NOMO2: variants seen among roughly 807,000 people sequenced by gnomAD.
The protein encoded by NOMO2 is BOS complex subunit NOMO2.
NOMO2 carries 14 observed loss-of-function variants against 67.1 expected under a neutral mutation model. The observed-to-expected ratio is 0.21, with a 90% CI of 0.14 to 0.33. The LOEUF is 0.33. Among genes scored for constraint, NOMO2 ranks in the 10% least tolerant of loss-of-function variants. The probability of loss-of-function intolerance (pLI) is 1.00; values close to 1 mark genes in which losing one functional copy is unlikely to be tolerated. For synonymous variants in NOMO2, 80 were observed against 305.9 expected, an observed-to-expected ratio of 0.26 and a Z score of 7.71; for missense variants, 178 against 761.0, an observed-to-expected ratio of 0.23 and a Z score of 9.01.
rs1446511557 is a variant in NOMO2, at chr16:18,531,388, G to C, written c.1537+78C>G. ...TCAGTAGCAAACAACAAAGGCAAAA[G>C]GAAAAGTTTCCCAAATCCCACTCCT... On this transcript the variant is annotated intron_variant, in intron 13 of 30. Coordinates refer to ENST00000622306, the MANE Select transcript of NOMO2 (RefSeq NM_173614.4). 1.1e-5 allele frequency: 18 copies of C among 1,611,766 alleles called. No individual in the cohort carries two copies. In the Admixed American group the frequency reaches 1.7e-4, roughly 15 times the overall value.
intron 16 of NOMO2, among the ~76,000 whole-genome samples, chr16:18,526,550 A>G (rs1450867985): frequency 2.6e-5 from 4 of 151,650 alleles, no homozygotes; most frequent in Admixed American, 1.3e-4. Context: ...ACAAAATATG[A>G]TATAACCACA....
intron 4 of NOMO2, among the ~76,000 whole-genome samples, chr16:18,551,159 G>A (rs1235198436): frequency 6.6e-6 from 1 of 151,954 alleles, no homozygotes. Context: ...GGGCAATAGA[G>A]CAAGACCCTG....
At chr16:18,556,441 T>G (rs1401995946) in intron 2 of NOMO2, among the ~76,000 whole-genome samples, 2 of 140,798 alleles carry the variant, frequency 1.4e-5, no homozygotes, top group African/African-American at 5.3e-5. Context: ...AGACTCTGTC[T>G]CAAAAAAAAA....
At chr16:18,545,373 C>T (rs1357692317) in intron 6 of NOMO2, among the ~76,000 whole-genome samples, 3 of 151,796 alleles carry the variant, frequency 2.0e-5, no homozygotes, top group East Asian at 3.9e-4. Flanking sequence ...GCTGGAATTA[C>T]AGCATGAGCA....
At chr16:18,559,909 G>A (rs1214078966) in intron 1 of NOMO2, among the ~76,000 whole-genome samples, 16 of 151,542 alleles carry the variant, frequency 1.1e-4, no homozygotes, top group African/African-American at 3.4e-4. Flanking sequence ...AGAACAAAAT[G>A]TCAGTCTCAT....
chr16:18,560,321 C>T lies in NOMO2; in HGVS notation c.165+1555G>A, dbSNP rs1270639177. Among the ~76,000 whole-genome samples, 11 of 151,556 alleles carry T rather than the reference C, an allele frequency of 7.3e-5. No homozygotes were observed. The East Asian group carries it at 2.0e-3, about 27-fold the overall frequency. ...TTTGAAATGGGTCACAAAACCTGTT[C>T]TCTGCTCTCAAGGTCACTATTAGTA... On this transcript the variant is annotated intron_variant, in intron 1 of 30. Transcript: ENST00000622306.
Position 18,520,370 on chromosome 16 carries a change from TCATC to T in NOMO2, c.2356+223_2356+226del, listed in dbSNP as rs1208876919. Among the ~76,000 whole-genome samples the T allele has an allele frequency of 4.3e-3, 497 of 116,048 alleles. 9 individuals carry two copies. The highest frequency in any genetic ancestry group is 0.012 in the African/African-American group (385 of 31,146). 76.1% of individuals were successfully genotyped at this position (116,048 alleles called of 152,430 possible). A position where few individuals can be genotyped will look rare whatever the true frequency, so the allele number is the denominator to read the frequency against. Reference sequence around the variant, plus strand: ...ACTTTTATTTATCTAAATCATTCATTCATCCATCCATCCATCCATCCATCCATCC... The same window carrying T: ...ACTTTTATTTATCTAAATCATTCATTCATCCATCCATCCATCCATCCATCC... On this transcript the variant is annotated intron_variant, in intron 20 of 30. Coordinates refer to ENST00000622306, the MANE Select transcript of NOMO2 (RefSeq NM_173614.4).
chr16:18,558,833 A>T (rs1408518455), intron 1 of NOMO2: 2 of 455,642 alleles, frequency 4.4e-6, no homozygotes, highest in Non-Finnish European at 8.8e-6. Context: ...ACAGATTCAC[A>T]TCAATGCATA....
intron 2 of NOMO2, among the ~76,000 whole-genome samples, chr16:18,557,157 C>T (rs1328577492): frequency 1.3e-5 from 2 of 151,822 alleles, no homozygotes; most frequent in African/African-American, 4.8e-5. Flanking sequence ...ACAAAAAAAA[C>T]CTTTATCAGA....
chr16:18,524,548 CACACCTACAG>C lies in NOMO2; in HGVS notation c.1895-6_1898del, dbSNP rs1901101812. On this transcript the variant is annotated splice_acceptor_variant and splice_polypyrimidine_tract_variant and coding_sequence_variant and intron_variant, in exon 17 of 31. Transcript: ENST00000622306. LOFTEE classifies it high-confidence loss of function. ...GGCAGGAGCGAGGGGTCACTTTGTA[CACACCTACAG>C]ACAGGAAATCAAAAGTAATTTTCAG... The C allele has an allele frequency of 1.1e-6, 1 of 917,406 alleles. No homozygotes were observed. 56.8% of individuals were successfully genotyped at this position (917,406 alleles called of 1,614,324 possible).
chr16:18,535,670 C>G (rs189370049), intron 11 of NOMO2, among the ~76,000 whole-genome samples: 41 of 152,070 alleles, frequency 2.7e-4, no homozygotes, highest in African/African-American at 8.7e-4. Flanking sequence ...AGACAACCAC[C>G]ACTGCCTCAT....
Position 18,557,752 on chromosome 16 carries a change from T to A in NOMO2, c.205A>T (p.Thr69Ser), listed in dbSNP as rs1455457117. Reference sequence around the variant, plus strand: ...TAACCATTATTAGGGGCACAGTCTGTCTGGTATTTCAAAGTCCCATGCTTG... The same window carrying A: ...TAACCATTATTAGGGGCACAGTCTGACTGGTATTTCAAAGTCCCATGCTTG... ...YTKHGTLKYQ[T>S]DCAPNNGYFM... Residue 69 changes from threonine (T) to serine (S), a missense_variant, in exon 2 of 31, where the codon ACA becomes TCA. Transcript: ENST00000622306. 1 of 1,609,538 alleles carries A rather than the reference T, an allele frequency of 6.2e-7. No individual in the cohort carries two copies. Among genetic ancestry groups the A allele is most frequent in the Non-Finnish European group, 8.5e-7 (1 of 1,178,084 alleles).
In NOMO2 at chr16:18,538,514, C is replaced by G. The variant is rs762018129; in HGVS notation, c.1220+12G>C. 2 of 1,613,360 alleles carry G rather than the reference C, an allele frequency of 1.2e-6. No individual in the cohort carries two copies. Among genetic ancestry groups the G allele is most frequent in the Non-Finnish European group, 1.7e-6 (2 of 1,179,740 alleles). ...ATTTACTGGTGCTTCCAAATCCACA[C>G]GATAAGCTTACCCTGTTGCAACAAT... On this transcript the variant is annotated intron_variant, in intron 11 of 30. Transcript: ENST00000622306.
At chr16:18,556,681 G>T (rs1169732277) in intron 2 of NOMO2, among the ~76,000 whole-genome samples, 82 of 152,186 alleles carry the variant, frequency 5.4e-4, no homozygotes, top group South Asian at 1.5e-3. Flanking sequence ...AAGGTTTATA[G>T]GTGGGAGGAT....
chr16:18,547,625 G>A (rs907153411), intron 5 of NOMO2, among the ~76,000 whole-genome samples: 12 of 151,950 alleles, frequency 7.9e-5, no homozygotes, highest in African/African-American at 2.9e-4. Flanking sequence ...ACATTCGACT[G>A]TGTTTGACAG....
chr16:18,548,152 C>G (rs1204178588), intron 5 of NOMO2, among the ~76,000 whole-genome samples: 1 of 140,858 alleles, frequency 7.1e-6, no homozygotes, highest in Non-Finnish European at 1.6e-5. Flanking sequence ...TAAGATTGAG[C>G]TTCTATTTCA....
At chr16:18,557,871 A>AT in intron 1 of NOMO2, 80 bp from the exon 2 acceptor site, 1 of 1,590,712 alleles carries the variant, frequency 6.3e-7, no homozygotes, top group African/African-American at 1.3e-5. Flanking sequence ...GAATGCACTC[A>AT]GTCAGTATAC....
chr16:18,554,068 C>A (rs1244432092), intron 3 of NOMO2, among the ~76,000 whole-genome samples: 1 of 151,642 alleles, frequency 6.6e-6, no homozygotes, highest in Non-Finnish European at 1.5e-5. Context: ...TCAAAACAGA[C>A]CCTCTCTTCT....
chr16:18,560,168 A>G (rs1188625154), intron 1 of NOMO2, among the ~76,000 whole-genome samples: 2 of 151,988 alleles, frequency 1.3e-5, no homozygotes, highest in Non-Finnish European at 2.9e-5. Flanking sequence ...ATCAGGACAC[A>G]GGATGGCAAT....
Sources: gnomAD v4.1 joint callset for allele counts (sites outside exome capture counted in the v4.1 genomes callset) on GRCh38, gnomAD v4.1.1 for gene constraint, MANE v1.5 for transcripts, NCBI Gene and HGNC (gene_info 2026-07-23, HGNC 2026-07-21) for gene names.